The following NRXN1 variants were observed in gnomAD, a reference collection of about 807,000 sequenced individuals.
NRXN1 encodes neurexin-1.
NRXN1 carries 39 observed loss-of-function variants against 150.9 expected under a neutral mutation model. The ratio of observed to expected loss-of-function variants is 0.26; its 90% CI spans 0.20 to 0.34. The LOEUF (loss-of-function observed/expected upper bound fraction) is 0.34. Ranked by LOEUF, NRXN1 falls within the 10% of genes least tolerant of loss-of-function variation. The probability of loss-of-function intolerance (pLI) is 1.00; values close to 1 mark genes in which losing one functional copy is unlikely to be tolerated. For missense variants in NRXN1, 1,815 were observed against 1,949.9 expected (o/e 0.93, Z 1.30); for synonymous variants, 924 against 757.0 (o/e 1.22, Z -3.62).
chr2:50,369,572 G>C (rs2079860004), intron 17 of NRXN1, among the ~76,000 whole-genome samples: 2 of 151,958 alleles, frequency 1.3e-5, no homozygotes, highest in Admixed American at 1.3e-4. Context: ...GCTACCTTAT[G>C]TGCTTTCAAT....
intron 2 of NRXN1, among the ~76,000 whole-genome samples, chr2:51,006,421 G>A (rs12987431): frequency 6.6e-6 from 1 of 151,836 alleles, no homozygotes; most frequent in African/African-American, 2.4e-5. Context: ...GGGAGGGATA[G>A]CATTAGGATA....
intron 19 of NRXN1, among the ~76,000 whole-genome samples, chr2:50,060,466 G>A (rs554103442): frequency 6.6e-6 from 1 of 152,270 alleles, no homozygotes; most frequent in African/African-American, 2.4e-5. Context: ...TTGGACTGTG[G>A]ACTTTTGAGT....
intron 17 of NRXN1, among the ~76,000 whole-genome samples, chr2:50,264,477 G>A (rs2068635909): frequency 6.6e-6 from 1 of 152,024 alleles, no homozygotes; most frequent in Non-Finnish European, 1.5e-5. Context: ...CAGATGGGTA[G>A]AGAAACAAGG....
rs529303704 is a variant in NRXN1 at position 50,720,438 on chromosome 2, A to G, written c.833-96823T>C. Among the ~76,000 whole-genome samples, 41 of 152,178 alleles carry G rather than the reference A, an allele frequency of 2.7e-4. 1 individual carries two copies. The East Asian group carries it at 3.1e-3, about 11-fold the overall frequency. On this transcript the variant is annotated intron_variant, in intron 5 of 22. Transcript: ENST00000401669. Reference sequence around the variant, plus strand: ...GCTTCCATCTGTGAGCAAACAAAACATCTCCAGTCCTTAAGGGGCGCCTCC... The same window carrying G: ...GCTTCCATCTGTGAGCAAACAAAACGTCTCCAGTCCTTAAGGGGCGCCTCC...
intron 17 of NRXN1, among the ~76,000 whole-genome samples, chr2:50,336,011 A>T (rs2077169121): frequency 6.6e-6 from 1 of 152,078 alleles, no homozygotes; most frequent in Admixed American, 6.5e-5. Flanking sequence ...TCAAGTCTTC[A>T]CAACAGTCCT....
chr2:50,281,171 A>G (rs1411368963), intron 17 of NRXN1, among the ~76,000 whole-genome samples: 2 of 135,542 alleles, frequency 1.5e-5, no homozygotes, highest in African/African-American at 5.4e-5. Flanking sequence ...AAAAAAAATT[A>G]GCTGGGCATG....
intron 17 of NRXN1, among the ~76,000 whole-genome samples, chr2:50,329,697 G>A (rs1461025397): frequency 1.7e-4 from 19 of 114,496 alleles, no homozygotes; most frequent in African/African-American, 4.6e-4. Context: ...CCCCCGAGAC[G>A]GAGTCTCACT....
chr2:50,096,228 C>T (rs766508243), intron 18 of NRXN1, among the ~76,000 whole-genome samples: 9 of 151,936 alleles, frequency 5.9e-5, no homozygotes, highest in African/African-American at 9.7e-5. Context: ...TATAAATGAT[C>T]GCCAAAGAGT....
At chr2:49,969,119 C>T (rs1458681014) in intron 21 of NRXN1, among the ~76,000 whole-genome samples, 1 of 152,076 alleles carries the variant, frequency 6.6e-6, no homozygotes, top group East Asian at 1.9e-4. Context: ...TTATCCCCGG[C>T]CAAATTTTTG....
At chr2:50,133,662 T>C (rs894875476) in intron 18 of NRXN1, among the ~76,000 whole-genome samples, 48 of 152,234 alleles carry the variant, frequency 3.2e-4, no homozygotes, top group African/African-American at 1.1e-3. Flanking sequence ...AAAACTTCTA[T>C]GCTTGGCCAG....
intron 5 of NRXN1, among the ~76,000 whole-genome samples, chr2:50,691,694 G>A (rs979503829): frequency 2.0e-5 from 3 of 152,108 alleles, no homozygotes; most frequent in African/African-American, 4.8e-5. Flanking sequence ...GCAACCATCC[G>A]TTCCTTTTAG....
intron 21 of NRXN1, among the ~76,000 whole-genome samples, chr2:50,051,966 C>G (rs1692782163): frequency 6.6e-6 from 1 of 152,036 alleles, no homozygotes; most frequent in Non-Finnish European, 1.5e-5. Flanking sequence ...ATATATCCAA[C>G]ACTACATTTA....
intron 17 of NRXN1, among the ~76,000 whole-genome samples, chr2:50,425,701 A>G (rs1358304465): frequency 6.6e-6 from 1 of 152,106 alleles, no homozygotes; most frequent in East Asian, 1.9e-4. Flanking sequence ...TCCATGTTAT[A>G]TATTTAACAC....
intron 8 of NRXN1, among the ~76,000 whole-genome samples, chr2:50,600,605 A>C (rs1016604904): frequency 1.3e-5 from 2 of 152,150 alleles, no homozygotes; most frequent in African/African-American, 2.4e-5. Context: ...GATTACAGGC[A>C]TAAGCCATCA....
intron 17 of NRXN1, among the ~76,000 whole-genome samples, chr2:50,280,010 T>C (rs1338589760): frequency 6.6e-6 from 1 of 152,020 alleles, no homozygotes; most frequent in Non-Finnish European, 1.5e-5. Context: ...ATAACAGATA[T>C]ATTAACGCCT....
At chr2:49,945,504 A>G (rs1290988642) in intron 21 of NRXN1, among the ~76,000 whole-genome samples, 1 of 151,620 alleles carries the variant, frequency 6.6e-6, no homozygotes, top group African/African-American at 2.4e-5. Flanking sequence ...TGTCATCTAC[A>G]TTAGGTATTT....
intron 19 of NRXN1, among the ~76,000 whole-genome samples, chr2:50,055,989 G>C (rs965349892): frequency 1.3e-5 from 2 of 151,910 alleles, no homozygotes; most frequent in African/African-American, 2.4e-5. Flanking sequence ...AAATAGATGA[G>C]TGTTTTCTTG....
At chr2:50,749,887 C>A (rs553911054) in intron 5 of NRXN1, among the ~76,000 whole-genome samples, 2 of 151,996 alleles carry the variant, frequency 1.3e-5, no homozygotes, top group South Asian at 4.2e-4. Flanking sequence ...TCTTAACTAC[C>A]CCATCTTCCA....
intron 17 of NRXN1, among the ~76,000 whole-genome samples, chr2:50,420,175 C>G (rs2083866394): frequency 6.6e-6 from 1 of 151,842 alleles, no homozygotes. Context: ...TAAAAGGTAT[C>G]CAAGAAAAGT....
Sources: gnomAD v4.1 joint callset for allele counts (sites outside exome capture counted in the v4.1 genomes callset) on GRCh38, gnomAD v4.1.1 for gene constraint, MANE v1.5 for transcripts, NCBI Gene and HGNC (gene_info 2026-07-23, HGNC 2026-07-21) for gene names.